UBR1: variants seen among roughly 807,000 people sequenced by gnomAD.
UBR1 encodes E3 ubiquitin-protein ligase UBR1.
In UBR1, 102 loss-of-function variants were observed where a neutral mutation model predicts 242.1. The observed-to-expected ratio is 0.42, with a 90% CI of 0.36 to 0.50. UBR1 has a LOEUF of 0.50. UBR1 is among the 20% of genes least tolerant of loss of function. UBR1 has a pLI of 0.01. For synonymous variants in UBR1, 675 were observed against 684.8 expected (o/e 0.99, Z 0.22); for missense variants, 1,772 against 2,101.8 (o/e 0.84, Z 3.07).
rs1725807433 is a variant in UBR1, at chr15:42,984,011, AG to A, written c.4054-19del. The A allele has an allele frequency of 6.2e-7, 1 of 1,601,218 alleles. No homozygotes were observed. Among genetic ancestry groups the A allele is most frequent in the African/African-American group, 1.3e-5 (1 of 74,642 alleles). ...CCATTATGCTAGATTGTAAGAGAGA[AG>A]GAAGATAAAAAGATGAGGGAAGATG... On this transcript the variant is annotated intron_variant, in intron 36 of 46. Transcript: ENST00000290650.
chr15:43,024,775 G>A, intron 25 of UBR1, 54 bp downstream of exon 25: 3 of 1,612,174 alleles, frequency 1.9e-6, no homozygotes, highest in Non-Finnish European at 1.7e-6. Flanking sequence ...ATCTTCCCTA[G>A]CTCCCCAAGA....
chr15:42,989,934 C>T, intron 34 of UBR1, 96 bp downstream of exon 34: 1 of 897,480 alleles, frequency 1.1e-6, no homozygotes, highest in South Asian at 1.6e-5. Context: ...AACTATTTTA[C>T]AAATAAAAAA....
intron 29 of UBR1, among the ~76,000 whole-genome samples, chr15:43,010,365 C>T (rs891883792): frequency 1.1e-4 from 16 of 148,766 alleles, no homozygotes; most frequent in African/African-American, 3.4e-4. Context: ...GACTGAAAAA[C>T]GCTGAGCTTG....
rs77764580 is a variant in UBR1, at chr15:42,989,534, C to T, written c.3848+496G>A. On this transcript the variant is annotated intron_variant, in intron 34 of 46. Transcript: ENST00000290650. Reference sequence around the variant, plus strand: ...AACTAGAAAAACTACCCTGGATACTCAATATTAATGAAATAATAATATCTG... The same window carrying T: ...AACTAGAAAAACTACCCTGGATACTTAATATTAATGAAATAATAATATCTG... Among the ~76,000 whole-genome samples, 38 of 152,198 alleles carry T rather than the reference C, an allele frequency of 2.5e-4. No homozygotes were observed. In the East Asian group the frequency reaches 7.1e-3, roughly 29 times the overall value.
chr15:43,091,967 T>A (rs771973945), intron 1 of UBR1: 5 of 439,328 alleles, frequency 1.1e-5, no homozygotes, highest in South Asian at 6.3e-5. Flanking sequence ...ATACCTGTGG[T>A]CCCAGCTATT....
intron 34 of UBR1, among the ~76,000 whole-genome samples, chr15:42,989,450 T>C (rs539635639): frequency 6.6e-6 from 1 of 152,344 alleles, no homozygotes; most frequent in Admixed American, 6.5e-5. Flanking sequence ...TCCAGTTTTC[T>C]GAACTTCCAT....
At chr15:43,104,698 G>A (rs764738708) in intron 1 of UBR1, among the ~76,000 whole-genome samples, 4 of 150,550 alleles carry the variant, frequency 2.7e-5, no homozygotes, top group Non-Finnish European at 5.9e-5. Flanking sequence ...TTGTATGCAG[G>A]GTTAAAAAAA....
intron 33 of UBR1, among the ~76,000 whole-genome samples, chr15:42,993,236 T>G (rs1244510865): frequency 6.6e-6 from 1 of 152,192 alleles, no homozygotes; most frequent in Non-Finnish European, 1.5e-5. Context: ...CTACCCGTAA[T>G]GATAATTCTT....
intron 14 of UBR1, 96 bp from the exon 15 acceptor site, chr15:43,043,491 GA>G: frequency 8.8e-7 from 1 of 1,141,524 alleles, no homozygotes; most frequent in Non-Finnish European, 1.3e-6. Flanking sequence ...GCCTAGGCTG[GA>G]GTACAGTGGC....
chr15:43,068,184 ATTTTTTTT>A lies in UBR1; in HGVS notation c.660-156_660-149del, dbSNP rs545130203. On this transcript the variant is annotated intron_variant, in intron 5 of 46. Transcript: ENST00000290650. ...CACCATAAAAGTAATATAGAATTTG[ATTTTTTTT>A]TTTTTTTTTTTTTTGAAACAGGGTC... The A allele has an allele frequency of 6.0e-3, 1,525 of 254,986 alleles. 21 individuals carry two copies. The highest frequency in any genetic ancestry group is 0.044 in the African/African-American group (1,395 of 32,034). 15.8% of individuals were successfully genotyped at this position (254,986 alleles called of 1,614,324 possible). A position where few individuals can be genotyped will look rare whatever the true frequency, so the allele number is the denominator to read the frequency against.
At chr15:42,961,161 C>T (rs1393313141) in intron 42 of UBR1, among the ~76,000 whole-genome samples, 1 of 148,958 alleles carries the variant, frequency 6.7e-6, no homozygotes, top group East Asian at 2.0e-4. Flanking sequence ...GTCGCCCAGG[C>T]TGGAGTGCAA....
chr15:43,058,197 A>G, intron 10 of UBR1, 144 bp downstream of exon 10: 1 of 646,794 alleles, frequency 1.5e-6, no homozygotes, highest in Non-Finnish European at 2.6e-6. Flanking sequence ...GGCGTGAGCC[A>G]ACCCGCAGGG....
intron 6 of UBR1, among the ~76,000 whole-genome samples, chr15:43,066,884 A>G (rs1439844829): frequency 1.3e-5 from 2 of 152,272 alleles, no homozygotes; most frequent in Non-Finnish European, 2.9e-5. Flanking sequence ...TCAGCCTCCC[A>G]AAGTGCTAGA....
intron 1 of UBR1, among the ~76,000 whole-genome samples, chr15:43,098,765 T>A (rs931732693): frequency 6.6e-6 from 1 of 152,106 alleles, no homozygotes; most frequent in Admixed American, 6.5e-5. Flanking sequence ...CATTAAAAAA[T>A]CAAAATTTCC....
intron 39 of UBR1, among the ~76,000 whole-genome samples, chr15:42,976,228 C>A (rs758442284): frequency 6.6e-6 from 1 of 152,122 alleles, no homozygotes; most frequent in Non-Finnish European, 1.5e-5. Context: ...AAGAAACTTA[C>A]ACTGAGGACA....
chr15:43,005,422 T>G (rs1596096476), intron 30 of UBR1, among the ~76,000 whole-genome samples: 9 of 125,462 alleles, frequency 7.2e-5, no homozygotes, highest in African/African-American at 1.6e-4. Flanking sequence ...TGGAGGGAGG[T>G]GGGGGGCAGC....
rs571971376 is a variant in UBR1, at chr15:43,086,421, C to T, written c.82-181G>A. On this transcript the variant is annotated intron_variant, in intron 1 of 46. Transcript: ENST00000290650. ...AAGCTTGGAAATAAGCAACTGCTCA[C>T]ATACCACCAGTATCTGAAAAAAAAA... Among the ~76,000 whole-genome samples the T allele has an allele frequency of 2.9e-5, 4 of 140,062 alleles. No individual in the cohort carries two copies. The South Asian group carries it at 9.0e-4, about 32-fold the overall frequency. The allele number at this position is 140,062 out of a possible 152,430, so 91.9% of individuals were successfully genotyped here.
At chr15:43,042,665 A>G (rs1206075715) in intron 15 of UBR1, among the ~76,000 whole-genome samples, 1 of 152,194 alleles carries the variant, frequency 6.6e-6, no homozygotes, top group Non-Finnish European at 1.5e-5. Context: ...GAATATACTT[A>G]GTGCCACTGA....
intron 30 of UBR1, 69 bp from the exon 31 acceptor site, chr15:43,003,999 T>C: frequency 7.3e-7 from 1 of 1,378,658 alleles, no homozygotes; most frequent in East Asian, 2.3e-5. Flanking sequence ...AATCACAAAC[T>C]GTCTTAGGAA....
Sources: allele counts gnomAD v4.1 joint callset (sites outside exome capture counted in the v4.1 genomes callset), GRCh38; gene constraint gnomAD v4.1.1; transcripts MANE v1.5; gene names NCBI Gene and HGNC (gene_info 2026-07-23, HGNC 2026-07-21).